The following TMCC1 variants were observed in gnomAD, a reference collection of about 807,000 sequenced individuals.
TMCC1 encodes transmembrane and coiled-coil domain family 1, also known as transmembrane and coiled-coil domains protein 1.
A neutral mutation model predicts 52.4 loss-of-function variants in TMCC1; 15 were observed. The ratio of observed to expected loss-of-function variants is 0.29; its 90% CI spans 0.19 to 0.44. The LOEUF is 0.44. TMCC1 is among the 20% of genes least tolerant of loss of function. The pLI is 1.00. For missense variants in TMCC1, 503 were observed against 806.0 expected (o/e 0.62, Z 4.55); for synonymous variants, 279 against 301.9 (o/e 0.92, Z 0.79).
At chr3:129,672,404 C>A (rs2088027900) in intron 4 of TMCC1, among the ~76,000 whole-genome samples, 1 of 151,532 alleles carries the variant, frequency 6.6e-6, no homozygotes, top group African/African-American at 2.4e-5. Context: ...TTAAGACCAC[C>A]CTGGGCAACA....
chr3:129,727,733 G>A lies in TMCC1; in HGVS notation c.577-56469C>T, dbSNP rs571691909. Among the ~76,000 whole-genome samples the A allele has an allele frequency of 6.8e-4, 104 of 152,232 alleles. 3 individuals carry two copies. In the South Asian group the frequency reaches 0.021, roughly 31 times the overall value. ...ATCTGCAACTGACAGTAATTTGGAG[G>A]TCCCTAATGAGCCAGCCCTCTTGGT... On this transcript the variant is annotated intron_variant, in intron 4 of 6. Transcript: ENST00000393238.
intron 2 of TMCC1, among the ~76,000 whole-genome samples, chr3:129,853,929 A>AT (rs1393380342): frequency 6.6e-6 from 1 of 152,122 alleles, no homozygotes; most frequent in Non-Finnish European, 1.5e-5. Flanking sequence ...TCTGCTGACT[A>AT]TATCTCCTAA....
intron 4 of TMCC1, among the ~76,000 whole-genome samples, chr3:129,692,249 G>A (rs1560201183): frequency 2.0e-5 from 3 of 152,088 alleles, no homozygotes; most frequent in Non-Finnish European, 4.4e-5. Flanking sequence ...TTTTAAAAAC[G>A]AAAGTTTGTG....
At chr3:129,780,047 A>C (rs1442938485) in intron 4 of TMCC1, among the ~76,000 whole-genome samples, 1 of 152,048 alleles carries the variant, frequency 6.6e-6, no homozygotes, top group African/African-American at 2.4e-5. Context: ...TTTCACTGTT[A>C]AACTTCTCAA....
Position 129,651,747 on chromosome 3 carries a change from G to A in TMCC1, c.1696C>T (p.Gln566Ter). The A allele has an allele frequency of 6.2e-7, 1 of 1,614,238 alleles. No individual in the cohort carries two copies. The highest frequency in any genetic ancestry group is 2.2e-5 in the East Asian group (1 of 44,882). Residue 566 changes from glutamine (Q) to a stop codon, truncating the protein, a stop_gained, in exon 7 of 7, where the codon CAG becomes TAG. Transcript: ENST00000393238. LOFTEE classifies it high-confidence loss of function. The surrounding 1 kb of genome is among the most constrained non-coding windows in gnomAD (Gnocchi z 5.1). ...AGCTGCACCACCTGCTGCTGCTGCT[G>A]CTGCAGCTCCATCTTGGAGATGCGC... is the stretch of plus-strand genomic sequence containing the variant. Reference protein sequence around the residue: ...QTRISKMELQQQQQQVVQLEG... With the variant: ...QTRISKMELQ
chr3:129,892,325 ACT>A (rs2062006618), intron 1 of TMCC1, among the ~76,000 whole-genome samples: 1 of 152,110 alleles, frequency 6.6e-6, no homozygotes, highest in Non-Finnish European at 1.5e-5. Flanking sequence ...ATACAAGCCA[ACT>A]CTGTTGGTAG....
intron 5 of TMCC1, among the ~76,000 whole-genome samples, chr3:129,666,331 G>A (rs2087449475): frequency 6.6e-6 from 1 of 152,196 alleles, no homozygotes; most frequent in Admixed American, 6.5e-5. Context: ...ATCACTCTAA[G>A]CTGAATACTA....
chr3:129,674,390 T>C (rs567795557), intron 4 of TMCC1, among the ~76,000 whole-genome samples: 1 of 152,236 alleles, frequency 6.6e-6, no homozygotes, highest in Non-Finnish European at 1.5e-5. Flanking sequence ...AACCCATAGC[T>C]TCAGCAGTAA....
chr3:129,797,667 T>C (rs2056925063), intron 4 of TMCC1, among the ~76,000 whole-genome samples: 1 of 151,068 alleles, frequency 6.6e-6, no homozygotes, highest in African/African-American at 2.4e-5. Context: ...ATCACTCGAG[T>C]ATGGGAGGTG....
chr3:129,787,562 T>C (rs2056128044), intron 4 of TMCC1, among the ~76,000 whole-genome samples: 1 of 152,172 alleles, frequency 6.6e-6, no homozygotes, highest in Non-Finnish European at 1.5e-5. Flanking sequence ...AACAAATTCT[T>C]CTTTTCATAG....
intron 5 of TMCC1, among the ~76,000 whole-genome samples, chr3:129,663,047 A>C (rs950070825): frequency 1.3e-5 from 2 of 152,226 alleles, no homozygotes; most frequent in African/African-American, 2.4e-5. Flanking sequence ...AATAATTCAT[A>C]AATAAATACT....
chr3:129,720,201 A>AAAAAAAAAAAAAAAAAAAAAG (rs1560263938), intron 4 of TMCC1, among the ~76,000 whole-genome samples: 18 of 151,298 alleles, frequency 1.2e-4, no homozygotes, highest in African/African-American at 4.2e-4. Flanking sequence ...AAAAAAAAAA[A>AAAAAAAAAAAAAAAAAAAAAG]AGAGATGGAA....
intron 4 of TMCC1, among the ~76,000 whole-genome samples, chr3:129,769,460 C>T (rs998664759): frequency 1.2e-4 from 18 of 151,840 alleles, no homozygotes; most frequent in Admixed American, 9.9e-4. Context: ...GAACTCATGA[C>T]CTCAGGTGAT....
chr3:129,852,587 A>G (rs78331041), intron 2 of TMCC1, among the ~76,000 whole-genome samples: 2,127 of 152,206 alleles, frequency 0.014, 34 homozygotes, highest in South Asian at 0.066. Context: ...TTTTGGTTTT[A>G]CAAGACAAAA....
At chr3:129,804,453 C>T (rs1046855100) in intron 4 of TMCC1, among the ~76,000 whole-genome samples, 2 of 152,138 alleles carry the variant, frequency 1.3e-5, no homozygotes, top group African/African-American at 4.8e-5. Context: ...CTCCCCTGAC[C>T]CCTTTGGCTA....
rs974190309 is a variant in TMCC1, at chr3:129,828,547, A to C, written c.-130-39T>G. ...CAAAAAAACAAAAAAACAAAAAAAA[A>C]ACCTTATATTATAAATCCATGCAGA... On this transcript the variant is annotated intron_variant, in intron 3 of 6. Coordinates refer to ENST00000393238, the MANE Select transcript of TMCC1 (RefSeq NM_001017395.5). This position sits in a 1 kb window ranked among gnomAD's most constrained non-coding sequence, Gnocchi z 4.1. 8.1e-6 allele frequency: 5 copies of C among 619,118 alleles called. 1 individual carries two copies. In the South Asian group the frequency reaches 1.0e-4, roughly 12 times the overall value. 38.4% of individuals were successfully genotyped at this position (619,118 alleles called of 1,614,324 possible). A position where few individuals can be genotyped will look rare whatever the true frequency, so the allele number is the denominator to read the frequency against.
rs956959708 is a variant in TMCC1 at position 129,758,277 on chromosome 3, T to A, written c.576+69526A>T. On this transcript the variant is annotated intron_variant, in intron 4 of 6. Coordinates refer to ENST00000393238, the MANE Select transcript of TMCC1 (RefSeq NM_001017395.5). ...GATAAGCAAAAAGAAAAGGCAAGAA[T>A]GAACTTTGTGGTACTAGATTACAGT... Among the ~76,000 whole-genome samples, 9 of 152,316 alleles carry A rather than the reference T, an allele frequency of 5.9e-5. No individual in the cohort carries two copies. In the South Asian group the frequency reaches 1.9e-3, roughly 32 times the overall value.
intron 4 of TMCC1, among the ~76,000 whole-genome samples, chr3:129,703,111 C>A (rs555770063): frequency 1.2e-4 from 18 of 152,294 alleles, no homozygotes; most frequent in Non-Finnish European, 2.5e-4. Context: ...CGGGGATAAA[C>A]CCACATACAA....
chr3:129,877,331 C>G (rs2061262060), intron 2 of TMCC1, among the ~76,000 whole-genome samples: 1 of 152,170 alleles, frequency 6.6e-6, no homozygotes, highest in Admixed American at 6.6e-5. Flanking sequence ...GAAACACTTT[C>G]CTCATTAGAC....
Sources: gnomAD v4.1 joint callset for allele counts (sites outside exome capture counted in the v4.1 genomes callset) on GRCh38, gnomAD v4.1.1 for gene constraint, Gnocchi (gnomAD v3.1) non-coding constraint, MANE v1.5 for transcripts, NCBI Gene and HGNC (gene_info 2026-07-23, HGNC 2026-07-21) for gene names.